Variants in MDN1 observed in about 807,000 individuals in gnomAD.
MDN1 encodes midasin AAA ATPase 1, also known as midasin.
A neutral mutation model predicts 669.2 loss-of-function variants in MDN1; 266 were observed. The ratio of observed to expected loss-of-function variants is 0.40; its 90% confidence interval spans 0.36 to 0.44. MDN1 has a LOEUF of 0.44. MDN1 is among the 20% of genes least tolerant of loss of function. The pLI, the probability that MDN1 is intolerant of heterozygous loss-of-function variation, is 1.00. For synonymous variants in MDN1, 2,385 were observed against 2,457.1 expected, an observed-to-expected ratio of 0.97 and a Z score of 0.87; for missense variants, 5,940 against 6,754.0, an observed-to-expected ratio of 0.88 and a Z score of 4.22.
chr6:89,773,698 C>A (rs1818221462), intron 13 of MDN1, among the ~76,000 whole-genome samples: 1 of 152,104 alleles, frequency 6.6e-6, no homozygotes, highest in South Asian at 2.1e-4. Context: ...GGCACCGTGG[C>A]TCAGGCCTGT....
At chr6:89,733,790 T>TA (rs1159400794) in intron 33 of MDN1, among the ~76,000 whole-genome samples, 1 of 151,400 alleles carries the variant, frequency 6.6e-6, no homozygotes, top group South Asian at 2.1e-4. Flanking sequence ...CCAGGTAAAT[T>TA]AAAAAAATGA....
intron 26 of MDN1, 50 bp from the exon 27 acceptor site, chr6:89,747,520 GT>G: frequency 6.4e-7 from 1 of 1,570,294 alleles, no homozygotes; most frequent in South Asian, 1.2e-5. Flanking sequence ...GCAATGCATG[GT>G]AAGTTTTTAG....
At chr6:89,765,212 G>A (rs757321727) in intron 15 of MDN1, among the ~76,000 whole-genome samples, 13 of 151,944 alleles carry the variant, frequency 8.6e-5, no homozygotes, top group African/African-American at 2.9e-4. Context: ...AGCCAAGATC[G>A]TGCCACTGCA....
At chr6:89,765,403 AACG>A (rs1817762703) in intron 15 of MDN1, among the ~76,000 whole-genome samples, 1 of 152,264 alleles carries the variant, frequency 6.6e-6, no homozygotes, top group Non-Finnish European at 1.5e-5. Flanking sequence ...GATAAACTAG[AACG>A]ACAACAGTGA....
In MDN1 at chr6:89,664,533, C is replaced by T. The variant is rs760672699; in HGVS notation, c.14190G>A (p.Ser4730=). 56 of 1,613,910 alleles carry T rather than the reference C, an allele frequency of 3.5e-5. No individual in the cohort carries two copies. The South Asian group carries it at 4.3e-4, about 12-fold the overall frequency. Residue 4730 remains serine (S), a synonymous_variant, in exon 85 of 102, where the codon TCG becomes TCA. Coordinates refer to ENST00000369393, the MANE Select transcript of MDN1 (RefSeq NM_014611.3). ...CATGCATTTTCCCATCAAAATCTTC[C>T]GACATCTCAATGGCATTATCCTCGC... ...IKGEDNAIEM[S]EDFDGKMHDG... is the part of the protein sequence containing the mutation.
At chr6:89,739,565 A>C (rs1816176918) in intron 32 of MDN1, among the ~76,000 whole-genome samples, 2 of 152,170 alleles carry the variant, frequency 1.3e-5, no homozygotes, top group Admixed American at 6.5e-5. Flanking sequence ...CTGACCTGTT[A>C]CATCACTCTC....
chr6:89,700,032 C>T (rs767279537), intron 57 of MDN1, 31 bp downstream of exon 57: 7 of 1,599,254 alleles, frequency 4.4e-6, no homozygotes, highest in East Asian at 2.2e-5. Flanking sequence ...AAAAAGTTCC[C>T]GCAAGGAAAA....
rs1813047140 is a variant in MDN1, at chr6:89,700,111, C to T, written c.8822G>A (p.Trp2941Ter). The T allele has an allele frequency of 6.2e-7, 1 of 1,614,014 alleles. No homozygotes were observed. Among genetic ancestry groups the T allele is most frequent in the Non-Finnish European group, 8.5e-7 (1 of 1,180,030 alleles). Reference sequence around the variant, plus strand: ...AAAATCAGCTGTCACTTTGTACCGCCAAAGCATAGCCAGGTACTCCATTGC... The same window carrying T: ...AAAATCAGCTGTCACTTTGTACCGCTAAAGCATAGCCAGGTACTCCATTGC... ...WPAMEYLAML[W>*]RYKVTADFMA... is the part of the protein sequence containing the mutation. Residue 2941 changes from tryptophan to a stop codon, truncating the protein, a stop_gained, in exon 57 of 102, where the codon TGG (tryptophan) becomes TAG (stop). Transcript: ENST00000369393. LOFTEE classifies it high-confidence loss of function.
chr6:89,725,455 A>T (rs1815155140), intron 37 of MDN1, 59 bp from the exon 38 acceptor site: 1 of 1,386,030 alleles, frequency 7.2e-7, no homozygotes, highest in East Asian at 2.3e-5. Context: ...TGCAACAAAA[A>T]GCAGGGGAAT....
intron 75 of MDN1, among the ~76,000 whole-genome samples, chr6:89,678,080 T>C (rs1811344936): frequency 6.6e-6 from 1 of 152,184 alleles, no homozygotes; most frequent in Non-Finnish European, 1.5e-5. Context: ...GAGACCATCC[T>C]GGCTAACACG....
Position 89,803,481 on chromosome 6 carries a change from A to C in MDN1, c.176T>G (p.Val59Gly). ...AGGGCGAAGCTGGCGACCAACCAGC[A>C]CAGTACAGTCCTTATCCAAAAGCAA... ...AQLLLDKDCT[V>G]LVGRQLRPLL... is the part of the protein sequence containing the mutation. Residue 59 changes from valine (V) to glycine (G), a missense_variant, in exon 2 of 102, where the codon GTG becomes GGG. Physicochemically the swap from Val to Gly is moderately radical, Grantham distance 109 (BLOSUM62 -3). Transcript: ENST00000369393. The C allele has an allele frequency of 5.6e-6, 9 of 1,614,204 alleles. No homozygotes were observed. The highest frequency in any genetic ancestry group is 7.6e-6 in the Non-Finnish European group (9 of 1,180,036).
At chr6:89,792,340 T>C (rs1453377119) in intron 5 of MDN1, among the ~76,000 whole-genome samples, 7 of 152,266 alleles carry the variant, frequency 4.6e-5, no homozygotes, top group African/African-American at 1.7e-4. Context: ...AGGGTTGTCC[T>C]CTCATAAATT....
chr6:89,657,123 T>C (rs1809371188), intron 90 of MDN1, among the ~76,000 whole-genome samples: 1 of 152,230 alleles, frequency 6.6e-6, no homozygotes, highest in South Asian at 2.1e-4. Flanking sequence ...CAACCAGCTA[T>C]GTACACTTGA....
chr6:89,713,114 C>A, intron 47 of MDN1, 34 bp downstream of exon 47: 2 of 1,596,382 alleles, frequency 1.3e-6, no homozygotes, highest in African/African-American at 1.3e-5. Context: ...TAGGGTATTA[C>A]AACTTAGAAA....
chr6:89,648,505 T>G (rs974886052), intron 97 of MDN1, among the ~76,000 whole-genome samples, 176 bp from the exon 98 acceptor site: 10 of 152,194 alleles, frequency 6.6e-5, no homozygotes, highest in Non-Finnish European at 1.5e-4. Flanking sequence ...GGTGGCCTGG[T>G]ACCACAAATG....
intron 73 of MDN1, among the ~76,000 whole-genome samples, chr6:89,681,180 C>CT (rs57095551): frequency 0.02 from 2,989 of 147,504 alleles, 61 homozygotes; most frequent in African/African-American, 0.046. Flanking sequence ...GATTTCTTTC[C>CT]TTTTTTTTTT....
intron 15 of MDN1, among the ~76,000 whole-genome samples, chr6:89,764,471 A>C (rs1373581719): frequency 2.6e-5 from 4 of 152,142 alleles, no homozygotes; most frequent in Non-Finnish European, 5.9e-5. Context: ...CAGGCATGCC[A>C]GTGTGCCCCT....
Position 89,803,523 on chromosome 6 carries a change from A to G in MDN1, c.134T>C (p.Leu45Pro). ...VWTPQDRQCV[L>P]STLAQLLLDK... Reference sequence around the variant, plus strand: ...CAAAAGCAACTGTGCTAAGGTACTCAGGACACACTGGCGATCTTGAGGTGT... The same window carrying G: ...CAAAAGCAACTGTGCTAAGGTACTCGGGACACACTGGCGATCTTGAGGTGT... Residue 45 changes from leucine to proline, a missense_variant, in exon 2 of 102, where the codon CTG becomes CCG. Physicochemically the swap from Leu to Pro is moderately conservative, Grantham distance 98. Coordinates refer to ENST00000369393, the MANE Select transcript of MDN1 (RefSeq NM_014611.3). 6.2e-7 allele frequency: 1 copy of G among 1,613,864 alleles called. No homozygotes were observed. Among genetic ancestry groups the G allele is most frequent in the Non-Finnish European group, 8.5e-7 (1 of 1,179,954 alleles).
At chr6:89,782,751 C>T (rs576526008) in intron 9 of MDN1, among the ~76,000 whole-genome samples, 7 of 151,942 alleles carry the variant, frequency 4.6e-5, no homozygotes, top group Admixed American at 2.6e-4. Flanking sequence ...CCAACCTGGC[C>T]AACATGGTGA....
Sources: gnomAD v4.1 joint callset for allele counts (sites outside exome capture counted in the v4.1 genomes callset) on GRCh38, gnomAD v4.1.1 for gene constraint, MANE v1.5 for transcripts, NCBI Gene and HGNC (gene_info 2026-07-23, HGNC 2026-07-21) for gene names.